FBXL17: variants seen among roughly 807,000 people sequenced by gnomAD.
FBXL17 encodes the protein F-box/LRR-repeat protein 17.
In FBXL17, 22 loss-of-function variants were observed where a neutral mutation model predicts 66.2. The observed-to-expected ratio is 0.33, with a 90% CI of 0.24 to 0.47. The LOEUF is 0.47. Ranked by LOEUF, FBXL17 falls within the 20% of genes least tolerant of loss-of-function variation. The pLI is 1.00. For synonymous variants in FBXL17, 474 were observed against 400.5 expected (o/e 1.18, Z -2.19); for missense variants, 878 against 948.2 (o/e 0.93, Z 0.97).
At chr5:108,353,879 TAA>T (rs1747796710) in intron 3 of FBXL17, among the ~76,000 whole-genome samples, 1 of 152,180 alleles carries the variant, frequency 6.6e-6, no homozygotes, top group East Asian at 1.9e-4. Flanking sequence ...ACTACATTAC[TAA>T]AGGCCCATTT....
intron 5 of FBXL17, among the ~76,000 whole-genome samples, chr5:108,215,366 A>G (rs966891952): frequency 1.3e-5 from 2 of 152,204 alleles, no homozygotes; most frequent in African/African-American, 2.4e-5. Context: ...CTTCTTTGTC[A>G]ACACTTGCTG....
At chr5:108,037,287 T>C (rs1326127638) in intron 6 of FBXL17, among the ~76,000 whole-genome samples, 3 of 152,166 alleles carry the variant, frequency 2.0e-5, no homozygotes, top group East Asian at 1.9e-4. Context: ...CTTCTTGATA[T>C]TGGAAAAGAA....
intron 4 of FBXL17, among the ~76,000 whole-genome samples, chr5:108,270,616 GATAAGTGAC>G (rs1008518031): frequency 9.3e-5 from 14 of 150,844 alleles, no homozygotes; most frequent in African/African-American, 3.4e-4. Flanking sequence ...AAACTTTGAG[GATAAGTGAC>G]ATTTAAGATT....
chr5:107,913,139 C>A (rs1750006685), intron 7 of FBXL17, among the ~76,000 whole-genome samples: 1 of 151,656 alleles, frequency 6.6e-6, no homozygotes, highest in Non-Finnish European at 1.5e-5. Flanking sequence ...GCTAGAGAGA[C>A]TTTAGGAGAA....
At chr5:108,001,425 T>A (rs1430177021) in intron 7 of FBXL17, among the ~76,000 whole-genome samples, 1 of 152,244 alleles carries the variant, frequency 6.6e-6, no homozygotes, top group East Asian at 1.9e-4. Context: ...TTAAGTACTC[T>A]GTATTTAAAT....
At chr5:108,012,192 C>G (rs2112742101) in intron 7 of FBXL17, among the ~76,000 whole-genome samples, 1 of 152,210 alleles carries the variant, frequency 6.6e-6, no homozygotes, top group South Asian at 2.1e-4. Flanking sequence ...CTACTTCTTT[C>G]ATAAGTTAGT....
intron 7 of FBXL17, among the ~76,000 whole-genome samples, chr5:107,947,336 C>A (rs1466367589): frequency 1.3e-5 from 2 of 152,264 alleles, no homozygotes; most frequent in Non-Finnish European, 2.9e-5. Context: ...ATGGCACAGG[C>A]CTTGCCTGGG....
chr5:107,977,235 A>G (rs1030578801), intron 7 of FBXL17, among the ~76,000 whole-genome samples: 2 of 152,092 alleles, frequency 1.3e-5, no homozygotes, highest in Non-Finnish European at 2.9e-5. Context: ...ATGAGAAGCA[A>G]TTGTGGTTAT....
At chr5:108,187,569 T>C (rs1361915307) in intron 5 of FBXL17, among the ~76,000 whole-genome samples, 1 of 152,180 alleles carries the variant, frequency 6.6e-6, no homozygotes, top group Non-Finnish European at 1.5e-5. Context: ...TCAAGCTACC[T>C]TTACTAGCTT....
At chr5:108,292,516 C>T (rs1758155671) in intron 4 of FBXL17, among the ~76,000 whole-genome samples, 1 of 152,138 alleles carries the variant, frequency 6.6e-6, no homozygotes, top group South Asian at 2.1e-4. Flanking sequence ...CAGAACTTTG[C>T]ATATACTGCT....
chr5:108,332,321 T>C (rs1351656456), intron 4 of FBXL17, among the ~76,000 whole-genome samples: 3 of 152,180 alleles, frequency 2.0e-5, no homozygotes, highest in African/African-American at 7.2e-5. Context: ...GAACCAACGA[T>C]TGTAACTAGT....
At chr5:107,995,667 A>G (rs1753441688) in intron 7 of FBXL17, among the ~76,000 whole-genome samples, 1 of 152,194 alleles carries the variant, frequency 6.6e-6, no homozygotes, top group Non-Finnish European at 1.5e-5. Flanking sequence ...GGAAAATTAC[A>G]TGAGATTTAT....
In FBXL17 at chr5:108,226,980, T is replaced by G. The variant is rs139202195; in HGVS notation, c.1507-2752A>C. On this transcript the variant is annotated intron_variant, in intron 4 of 8. Coordinates refer to ENST00000542267, the MANE Select transcript of FBXL17 (RefSeq NM_001163315.3). ...CAATGGCTCTCCTGGTACTCTAGAT[T>G]GACAAATGGAGATCTTGGAACTTCT... is the stretch of plus-strand genomic sequence containing the variant. Among the ~76,000 whole-genome samples the G allele has an allele frequency of 4.9e-3, 747 of 152,264 alleles. 11 individuals are homozygous for G. Among genetic ancestry groups the G allele is most frequent in the African/African-American group, 0.017 (713 of 41,560 alleles).
intron 4 of FBXL17, among the ~76,000 whole-genome samples, chr5:108,343,329 T>C (rs1747012209): frequency 6.6e-6 from 1 of 152,160 alleles, no homozygotes; most frequent in South Asian, 2.1e-4. Flanking sequence ...TGGGTTTAAG[T>C]AAATGCCCCA....
chr5:108,119,662 T>A (rs1014819237), intron 6 of FBXL17, among the ~76,000 whole-genome samples: 2 of 152,200 alleles, frequency 1.3e-5, no homozygotes, highest in African/African-American at 4.8e-5. Flanking sequence ...GAGGAGGAAT[T>A]AGCTGTATAG....
intron 4 of FBXL17, among the ~76,000 whole-genome samples, chr5:108,346,759 T>C (rs1421992177): frequency 6.6e-6 from 1 of 152,026 alleles, no homozygotes; most frequent in Admixed American, 6.6e-5. Context: ...AACTAGCAAA[T>C]AGACAGATAT....
At chr5:107,973,354 ATTTTTTTTTTT>A (rs200079422) in intron 7 of FBXL17, among the ~76,000 whole-genome samples, 19,830 of 120,506 alleles carry the variant, frequency 0.16, 1,509 homozygotes, top group East Asian at 0.22. Context: ...TTTTTTTGTA[ATTTTTTTTTTT>A]TTTTTTTTTT....
At chr5:107,879,837 A>T in intron 8 of FBXL17, 1 of 985,444 alleles carries the variant, frequency 1.0e-6, no homozygotes. Flanking sequence ...CAAGGGAAGC[A>T]GTCCCCGTGG....
chr5:108,034,041 AGCT>A lies in FBXL17; in HGVS notation c.1746-13043_1746-13041del, dbSNP rs140506387. On this transcript the variant is annotated intron_variant, in intron 6 of 8. Transcript: ENST00000542267. ...ATACTTGTTGTAAACCCCATGCAAT[AGCT>A]TTCTGGGCCCAGATAACATTTCACA... 5.5e-3 allele frequency among the ~76,000 whole-genome samples: 834 copies of A among 152,294 alleles called. 5 individuals carry two copies. The highest frequency in any genetic ancestry group is 0.019 in the African/African-American group (802 of 41,562).
Sources: allele counts gnomAD v4.1 joint callset (sites outside exome capture counted in the v4.1 genomes callset), GRCh38; gene constraint gnomAD v4.1.1; transcripts MANE v1.5; gene names NCBI Gene and HGNC (gene_info 2026-07-23, HGNC 2026-07-21).